The following PIK3C2G variants were observed in gnomAD, a reference collection of about 807,000 sequenced individuals.
PIK3C2G encodes phosphatidylinositol 3-kinase C2 domain-containing subunit gamma.
A neutral mutation model predicts 181.1 loss-of-function variants in PIK3C2G; 168 were observed. The observed-to-expected ratio is 0.93, with a 90% CI of 0.82 to 1.05. The LOEUF is 1.05. Ranked by LOEUF, PIK3C2G falls within the 50% of genes least tolerant of loss-of-function variation. The probability of loss-of-function intolerance (pLI) is 0.00; values close to 1 mark genes in which losing one functional copy is unlikely to be tolerated. For missense variants in PIK3C2G, 1,869 were observed against 1,732.8 expected (o/e 1.08, Z -1.40); for synonymous variants, 573 against 592.2 (o/e 0.97, Z 0.47).
At chr12:18,553,212 C>T (rs576779232) in intron 26 of PIK3C2G, among the ~76,000 whole-genome samples, 7 of 152,154 alleles carry the variant, frequency 4.6e-5, no homozygotes, top group Admixed American at 3.3e-4. Context: ...TTATTAGCAC[C>T]ATTTATCACT....
chr12:18,463,704 T>C (rs529732450), intron 18 of PIK3C2G, among the ~76,000 whole-genome samples: 10 of 152,300 alleles, frequency 6.6e-5, no homozygotes, highest in African/African-American at 2.4e-4. Flanking sequence ...CAGCATAGAA[T>C]GTAAGAAATG....
At chr12:18,513,736 T>C (rs1942357474) in intron 24 of PIK3C2G, among the ~76,000 whole-genome samples, 1 of 151,844 alleles carries the variant, frequency 6.6e-6, no homozygotes. Flanking sequence ...TGTAAACAGT[T>C]TATTACAAAA....
rs377102070 is a variant in PIK3C2G, at chr12:18,397,104, G to A, written c.2127-2555G>A. Among the ~76,000 whole-genome samples the A allele has an allele frequency of 6.6e-5, 10 of 151,964 alleles. 1 individual carries two copies. Among genetic ancestry groups the A allele is most frequent in the African/African-American group, 2.4e-4 (10 of 41,538 alleles). On this transcript the variant is annotated intron_variant, in intron 15 of 32. Coordinates refer to ENST00000538779, the MANE Select transcript of PIK3C2G (RefSeq NM_001288772.2). ...AACAGAATACAATTCAATGTAGATA[G>A]AATAGAAAGCCAGAGACCTATTTGT... is the stretch of plus-strand genomic sequence containing the variant.
intron 1 of PIK3C2G, among the ~76,000 whole-genome samples, chr12:18,273,068 AG>A (rs1948813406): frequency 6.6e-6 from 1 of 152,146 alleles, no homozygotes; most frequent in Non-Finnish European, 1.5e-5. Flanking sequence ...TGAGAAAGAG[AG>A]AGATGCTGGG....
In PIK3C2G at chr12:18,431,654, T is replaced by C. The variant is rs549908861; in HGVS notation, c.2504+7615T>C. 2.0e-5 allele frequency among the ~76,000 whole-genome samples: 3 copies of C among 152,310 alleles called. 1 individual carries two copies. Among genetic ancestry groups the C allele is most frequent in the South Asian group, 2.1e-4 (1 of 4,824 alleles). ...ACTTCAGGGAGGTCTTGCAGAGCAATACAGCACACATGATACAGAATCCAT... is the reference window on the plus strand; with the variant it reads ...ACTTCAGGGAGGTCTTGCAGAGCAACACAGCACACATGATACAGAATCCAT... On this transcript the variant is annotated intron_variant, in intron 18 of 32. Transcript: ENST00000538779.
intron 29 of PIK3C2G, among the ~76,000 whole-genome samples, chr12:18,584,872 G>A (rs1946690268): frequency 6.6e-6 from 1 of 152,098 alleles, no homozygotes; most frequent in Non-Finnish European, 1.5e-5. Flanking sequence ...AGCCAGAAGA[G>A]GCTGGGGGCC....
chr12:18,511,563 G>C (rs531984932), intron 24 of PIK3C2G, among the ~76,000 whole-genome samples: 1 of 152,002 alleles, frequency 6.6e-6, no homozygotes, highest in South Asian at 2.1e-4. Context: ...GCATTTCCTT[G>C]ATAATTAGTG....
chr12:18,378,161 C>T (rs766041864), intron 13 of PIK3C2G, among the ~76,000 whole-genome samples: 25 of 152,198 alleles, frequency 1.6e-4, no homozygotes, highest in Admixed American at 2.6e-4. Flanking sequence ...TGAGTCCCCT[C>T]ATCTTCTGTC....
chr12:18,399,194 C>CAAAAAAAAAAAAAAAAAA (rs536592064), intron 15 of PIK3C2G, among the ~76,000 whole-genome samples: 27 of 80,238 alleles, frequency 3.4e-4, no homozygotes, highest in African/African-American at 6.7e-4. Context: ...GACTCCGTCT[C>CAAAAAAAAAAAAAAAAAA]AAAAAAAAAA....
intron 13 of PIK3C2G, among the ~76,000 whole-genome samples, chr12:18,374,986 C>T (rs549287082): frequency 6.6e-6 from 1 of 152,318 alleles, no homozygotes; most frequent in East Asian, 1.9e-4. Flanking sequence ...CAATTAAACT[C>T]TTCTCTTTTA....
At chr12:18,466,990 G>A (rs571754845) in intron 18 of PIK3C2G, among the ~76,000 whole-genome samples, 6 of 151,988 alleles carry the variant, frequency 3.9e-5, no homozygotes, top group African/African-American at 1.4e-4. Flanking sequence ...ATAATCAACA[G>A]GACTCTTAAT....
the PIK3C2G span, among the ~76,000 whole-genome samples, chr12:18,658,208 A>G: frequency 6.6e-6 from 1 of 152,170 alleles, no homozygotes. Context: ...AATACCACCA[A>G]GTATATTAAC....
At chr12:18,650,369 G>GTC (rs1380591280), downstream of PIK3C2G, among the ~76,000 whole-genome samples, 1 of 133,814 alleles carries the variant, frequency 7.5e-6, no homozygotes, top group Admixed American at 7.3e-5. Context: ...GTGTGTGTGT[G>GTC]TGTGTGTCTG....
At chr12:18,650,715 T>C (rs1950459505), downstream of PIK3C2G, among the ~76,000 whole-genome samples, 1 of 3,204 alleles carries the variant, frequency 3.1e-4, no homozygotes, top group Non-Finnish European at 6.1e-4. Flanking sequence ...TATATATCTA[T>C]ATATATATAT....
intron 16 of PIK3C2G, among the ~76,000 whole-genome samples, chr12:18,405,156 A>G (rs1189400591): frequency 6.6e-6 from 1 of 152,190 alleles, no homozygotes; most frequent in East Asian, 1.9e-4. Context: ...TCTATTCTGG[A>G]TATGTCACAT....
At chr12:18,621,350 T>C (rs920454884) in intron 31 of PIK3C2G, among the ~76,000 whole-genome samples, 2 of 151,844 alleles carry the variant, frequency 1.3e-5, no homozygotes, top group Non-Finnish European at 2.9e-5. Flanking sequence ...AATAGAGAAA[T>C]AGAAAAACTT....
At chr12:18,616,477 A>T (rs1044971543) in intron 31 of PIK3C2G, among the ~76,000 whole-genome samples, 17 of 152,100 alleles carry the variant, frequency 1.1e-4, no homozygotes, top group Non-Finnish European at 1.5e-5. Flanking sequence ...AAGGAAGGTC[A>T]AATGTCAAAT....
At chr12:18,606,340 G>A (rs893673470) in intron 30 of PIK3C2G, among the ~76,000 whole-genome samples, 15 of 151,992 alleles carry the variant, frequency 9.9e-5, no homozygotes, top group African/African-American at 3.6e-4. Context: ...CAAATATAAT[G>A]TTCGTTGTGC....
chr12:18,428,530 A>G (rs771096917), intron 18 of PIK3C2G, among the ~76,000 whole-genome samples: 4 of 152,168 alleles, frequency 2.6e-5, no homozygotes, highest in African/African-American at 4.8e-5. Flanking sequence ...AACTCTATAT[A>G]TCCTCAACAG....
Sources: gnomAD v4.1 joint callset for allele counts (sites outside exome capture counted in the v4.1 genomes callset) on GRCh38, gnomAD v4.1.1 for gene constraint, MANE v1.5 for transcripts, NCBI Gene and HGNC (gene_info 2026-07-23, HGNC 2026-07-21) for gene names.